The following KCNH8 variants were observed in gnomAD, a reference collection of about 807,000 sequenced individuals.
The protein encoded by KCNH8 is potassium voltage-gated channel subfamily H member 8.
KCNH8 carries 70 observed loss-of-function variants against 103.6 expected under a neutral mutation model. That is an observed-to-expected ratio of 0.68 (90% CI 0.56 to 0.82). The LOEUF (loss-of-function observed/expected upper bound fraction) is 0.82. Among genes scored for constraint, KCNH8 ranks in the 40% least tolerant of loss-of-function variants. The pLI, the probability that KCNH8 is intolerant of heterozygous loss-of-function variation, is 0.00. For missense variants in KCNH8, 1,217 were observed against 1,329.9 expected (o/e 0.92, Z 1.32); for synonymous variants, 498 against 489.4 (o/e 1.02, Z -0.23).
At chr3:19,268,440 G>C (rs2064543771) in intron 2 of KCNH8, among the ~76,000 whole-genome samples, 1 of 152,086 alleles carries the variant, frequency 6.6e-6, no homozygotes, top group Non-Finnish European at 1.5e-5. Context: ...GAGAAGGCCA[G>C]TTTAGCTGGA....
intron 6 of KCNH8, 100 bp from the exon 7 acceptor site, chr3:19,395,000 ATAAT>A: frequency 1.3e-6 from 1 of 795,538 alleles, no homozygotes; most frequent in East Asian, 2.5e-5. Context: ...TAATATGAAA[ATAAT>A]TATACTTCAT....
intron 3 of KCNH8, among the ~76,000 whole-genome samples, chr3:19,313,911 T>G (rs1008635429): frequency 6.6e-6 from 1 of 151,936 alleles, no homozygotes; most frequent in Non-Finnish European, 1.5e-5. Context: ...GGTTTGATTT[T>G]CATAAACCCT....
intron 2 of KCNH8, among the ~76,000 whole-genome samples, chr3:19,271,538 C>G (rs1231634190): frequency 1.3e-5 from 2 of 152,074 alleles, no homozygotes; most frequent in African/African-American, 4.8e-5. Flanking sequence ...TAAAACTAAA[C>G]CATAATTGTC....
intron 7 of KCNH8, among the ~76,000 whole-genome samples, chr3:19,424,386 G>T (rs750541620): frequency 1.3e-5 from 2 of 152,128 alleles, no homozygotes; most frequent in African/African-American, 4.8e-5. Flanking sequence ...AACAAATGGT[G>T]CTGGGATAAT....
chr3:19,200,038 A>G lies in KCNH8; in HGVS notation c.76+51243A>G, dbSNP rs144246351. On this transcript the variant is annotated intron_variant, in intron 1 of 15. Transcript: ENST00000328405. ...ACTGAAGCATATAATATCTTGTTCA[A>G]TGAATTCCTAAGCCTGACAAATAAG... Among the ~76,000 whole-genome samples, 19 of 152,254 alleles carry G rather than the reference A, an allele frequency of 1.2e-4. No homozygotes were observed. The East Asian group carries it at 2.5e-3, about 20-fold the overall frequency.
intron 1 of KCNH8, among the ~76,000 whole-genome samples, chr3:19,162,930 G>T (rs889493369): frequency 6.6e-6 from 1 of 151,984 alleles, no homozygotes; most frequent in African/African-American, 2.4e-5. Context: ...AAAATATCCT[G>T]TATATAGCAA....
At chr3:19,160,686 TA>T (rs1202267859) in intron 1 of KCNH8, among the ~76,000 whole-genome samples, 2 of 152,138 alleles carry the variant, frequency 1.3e-5, no homozygotes, top group African/African-American at 2.4e-5. Flanking sequence ...AAACAATCCA[TA>T]AGATTTCAAT....
At chr3:19,190,847 C>T (rs990200230) in intron 1 of KCNH8, among the ~76,000 whole-genome samples, 5 of 151,838 alleles carry the variant, frequency 3.3e-5, no homozygotes, top group African/African-American at 4.8e-5. Context: ...ACGAATCTCA[C>T]GAAGGTAGAG....
chr3:19,253,456 G>A (rs887704496), intron 1 of KCNH8, among the ~76,000 whole-genome samples, 198 bp from the exon 2 acceptor site: 5 of 151,838 alleles, frequency 3.3e-5, no homozygotes, highest in Admixed American at 2.6e-4. Context: ...CAAAATGCAA[G>A]CCTAAGTCAG....
intron 10 of KCNH8, among the ~76,000 whole-genome samples, chr3:19,452,597 T>C (rs2125185168): frequency 6.6e-6 from 1 of 152,240 alleles, no homozygotes; most frequent in East Asian, 1.9e-4. Flanking sequence ...GGCAGGTGAA[T>C]TCAGGATGTA....
At chr3:19,492,999 T>C (rs1351185330) in intron 11 of KCNH8, among the ~76,000 whole-genome samples, 1 of 152,056 alleles carries the variant, frequency 6.6e-6, no homozygotes, top group African/African-American at 2.4e-5. Context: ...GTAAATGAGA[T>C]TGTGTTCTTG....
intron 2 of KCNH8, among the ~76,000 whole-genome samples, chr3:19,275,748 C>T (rs1204092712): frequency 2.0e-5 from 3 of 152,008 alleles, no homozygotes; most frequent in Non-Finnish European, 4.4e-5. Context: ...AACATGACAC[C>T]TTTTTTTAGT....
At chr3:19,286,083 C>T (rs751948025) in intron 3 of KCNH8, among the ~76,000 whole-genome samples, 7 of 152,120 alleles carry the variant, frequency 4.6e-5, no homozygotes, top group African/African-American at 1.2e-4. Flanking sequence ...AGTTGAAGTT[C>T]AACCCTAAGG....
rs2069213385 is a variant in KCNH8, at chr3:19,533,750, A to G, written c.2975A>G (p.Asp992Gly). 1.2e-6 allele frequency: 2 copies of G among 1,614,058 alleles called. No individual in the cohort carries two copies. The highest frequency in any genetic ancestry group is 1.3e-5 in the African/African-American group (1 of 74,936). The part of the protein sequence containing the change: ...DSELYHSPSL[D>G]YSPSHYQVVQ... ...GAACTTTATCATTCTCCAAGCCTTG[A>G]TTATTCACCTTCCCACTACCAGGTT... The change falls in exon 16 of 16, where the codon GAT becomes GGT. Residue 992 changes from aspartate (D) to glycine (G), a missense_variant. Physicochemically the swap from Asp to Gly is moderately conservative, Grantham distance 94 (BLOSUM62 -1). Around this residue, in one of 3 missense-constraint regions of KCNH8, gnomAD observed 558 missense variants for 495.8 expected, o/e 1.13. Transcript: ENST00000328405.
intron 7 of KCNH8, among the ~76,000 whole-genome samples, chr3:19,400,218 C>G (rs116461937): frequency 1.9e-5 from 2 of 105,472 alleles, no homozygotes; most frequent in Admixed American, 2.9e-4. Flanking sequence ...CTACCAGATA[C>G]GATGTTAGCC....
intron 5 of KCNH8, among the ~76,000 whole-genome samples, chr3:19,349,715 G>A (rs1227651821): frequency 2.0e-5 from 3 of 151,980 alleles, no homozygotes; most frequent in African/African-American, 2.4e-5. Flanking sequence ...TACCTTTGAC[G>A]GAGATATTTT....
intron 2 of KCNH8, among the ~76,000 whole-genome samples, chr3:19,260,120 TC>T (rs2064410431): frequency 6.6e-6 from 1 of 151,400 alleles, no homozygotes; most frequent in African/African-American, 2.4e-5. Flanking sequence ...CATCAACATG[TC>T]TAAAGGTAAA....
chr3:19,331,573 G>A (rs1404103318), intron 3 of KCNH8, among the ~76,000 whole-genome samples: 7 of 152,074 alleles, frequency 4.6e-5, no homozygotes, highest in Non-Finnish European at 8.8e-5. Context: ...TTACAGGCGT[G>A]AGCCACCGTT....
chr3:19,388,811 G>T (rs564235264), intron 5 of KCNH8, among the ~76,000 whole-genome samples: 113 of 152,164 alleles, frequency 7.4e-4, no homozygotes, highest in African/African-American at 2.4e-3. Flanking sequence ...TTGAATTTGG[G>T]TCTTGCTCTT....
Sources: allele counts gnomAD v4.1 joint callset (sites outside exome capture counted in the v4.1 genomes callset), GRCh38; gene constraint gnomAD v4.1.1; regional missense constraint gnomAD v4.1.1; transcripts MANE v1.5; gene names NCBI Gene and HGNC (gene_info 2026-07-23, HGNC 2026-07-21).